The following NUP58 variants were observed in gnomAD, a reference collection of about 807,000 sequenced individuals.
NUP58 encodes the protein nucleoporin p58/p45.
In NUP58, 17 loss-of-function variants were observed where a neutral mutation model predicts 70.1. The observed-to-expected ratio is 0.24, with a 90% CI of 0.17 to 0.36. The LOEUF (loss-of-function observed/expected upper bound fraction) is 0.36. NUP58 is among the 10% of genes least tolerant of loss of function. NUP58 has a pLI of 1.00. For synonymous variants in NUP58, 275 were observed against 257.6 expected (o/e 1.07, Z -0.65); for missense variants, 644 against 701.5 (o/e 0.92, Z 0.93).
At position 25,307,896 on chromosome 13, in the gene NUP58, GCTCTTTGGATCT is replaced by G; in HGVS notation, c.199_210del (p.Leu67_Ser70del). On this transcript the variant is annotated inframe_deletion, in exon 2 of 16. Transcript: ENST00000381736. ...CTCCTTCAAGTGGTTTTGGAACCGG[GCTCTTTGGATCT>G]AAACCTGCCACTGGGTTCACTCTAG... is the stretch of plus-strand genomic sequence containing the variant. 1 of 1,614,096 alleles carries G rather than the reference GCTCTTTGGATCT, an allele frequency of 6.2e-7. No individual in the cohort carries two copies. Among genetic ancestry groups the G allele is most frequent in the Middle Eastern group, 1.6e-4 (1 of 6,062 alleles).
rs185696876 is a variant in NUP58, at chr13:25,312,648, G to T, written c.287-235G>T. 5.9e-5 allele frequency among the ~76,000 whole-genome samples: 9 copies of T among 152,334 alleles called. No homozygotes were observed. The East Asian group carries it at 9.6e-4, about 16-fold the overall frequency. On this transcript the variant is annotated intron_variant, in intron 3 of 15. Coordinates refer to ENST00000381736, the MANE Select transcript of NUP58 (RefSeq NM_014089.4). The stretch of plus-strand genomic sequence containing the variant: ...CTCCCAAAGTTTTGGGATCACAGGC[G>T]TGAGCCACTGTACCTGGCCATTCTT...
At chr13:25,320,858 T>C in intron 8 of NUP58, 61 bp from the exon 9 acceptor site, 2 of 1,086,092 alleles carry the variant, frequency 1.8e-6, no homozygotes, top group Non-Finnish European at 2.6e-6. Flanking sequence ...AGTATATATA[T>C]ATTTTGTGTA....
At chr13:25,339,915 G>GT in intron 15 of NUP58, 50 bp from the exon 16 acceptor site, 1 of 1,467,056 alleles carries the variant, frequency 6.8e-7, no homozygotes, top group Non-Finnish European at 9.1e-7. Context: ...TTTTATATTT[G>GT]TTTTTGGAAT....
In NUP58 at chr13:25,320,638, C is replaced by A. The variant is rs753526877; in HGVS notation, c.776+43C>A. 7 of 1,383,264 alleles carry A rather than the reference C, an allele frequency of 5.1e-6. 1 individual carries two copies. In the South Asian group the frequency reaches 8.3e-5, roughly 16 times the overall value. The allele number at this position is 1,383,264 out of a possible 1,614,324, so 85.7% of individuals were successfully genotyped here. A position where few individuals can be genotyped will look rare whatever the true frequency, so the allele number is the denominator to read the frequency against. On this transcript the variant is annotated intron_variant, in intron 8 of 15. Coordinates refer to ENST00000381736, the MANE Select transcript of NUP58 (RefSeq NM_014089.4). ...TTAGATAAATAACACTTGAAGAATT[C>A]TAGAATACTTCTTAAGGGGAGCATC... is the stretch of plus-strand genomic sequence containing the variant.
Position 25,301,794 on chromosome 13 carries a change from C to T in NUP58, c.21C>T (p.Phe7=), listed in dbSNP as rs2030009397. Residue 7 remains phenylalanine (F), a synonymous_variant, in exon 1 of 16, where the codon TTC becomes TTT. Transcript: ENST00000381736. ...CAGACATGTCCACAGGGTTCTCCTT[C>T]GGGTCCGGGACTCTGGGCTCCACCA... The part of the protein sequence containing the change: MSTGFS[F]GSGTLGSTTV... 6.2e-7 allele frequency: 1 copy of T among 1,613,172 alleles called. No homozygotes were observed.
At chr13:25,323,889 T>A (rs2031287835) in intron 9 of NUP58, among the ~76,000 whole-genome samples, 1 of 152,100 alleles carries the variant, frequency 6.6e-6, no homozygotes, top group South Asian at 2.1e-4. Context: ...AGGGAGAGAG[T>A]TAAATCCATC....
At chr13:25,336,592 C>A (rs2031793347) in intron 13 of NUP58, among the ~76,000 whole-genome samples, 1 of 151,978 alleles carries the variant, frequency 6.6e-6, no homozygotes, top group African/African-American at 2.4e-5. Flanking sequence ...TAAAATAATT[C>A]TAGAAGTAAA....
intron 2 of NUP58, among the ~76,000 whole-genome samples, 164 bp from the exon 3 acceptor site, chr13:25,309,083 T>C (rs2030524893): frequency 6.6e-6 from 1 of 152,204 alleles, no homozygotes; most frequent in Non-Finnish European, 1.5e-5. Flanking sequence ...ACCAGTGCTA[T>C]GGGAAAAATG....
chr13:25,313,488 C>T, intron 4 of NUP58, 126 bp from the exon 5 acceptor site: 1 of 821,346 alleles, frequency 1.2e-6, no homozygotes, highest in Non-Finnish European at 1.8e-6. Context: ...TAATTTTTAG[C>T]AAGTAGTTCT....
chr13:25,324,717 A>G (rs887710667), intron 9 of NUP58, among the ~76,000 whole-genome samples: 10 of 152,198 alleles, frequency 6.6e-5, no homozygotes, highest in African/African-American at 2.2e-4. Flanking sequence ...TACGCTGTAA[A>G]TGAATTCACT....
At chr13:25,312,857 G>T (rs768963434) in intron 3 of NUP58, 26 bp from the exon 4 acceptor site, 51 of 1,556,736 alleles carry the variant, frequency 3.3e-5, no homozygotes, top group Non-Finnish European at 4.3e-5. Context: ...TTGTTTGTTT[G>T]TTTATTCATT....
chr13:25,306,944 A>G (rs2030391846), intron 1 of NUP58, among the ~76,000 whole-genome samples: 1 of 152,190 alleles, frequency 6.6e-6, no homozygotes, highest in South Asian at 2.1e-4. Flanking sequence ...TTGCCAGGAA[A>G]TGTCCCCACT....
Position 25,312,965 on chromosome 13 carries a change from T to C in NUP58, c.369T>C (p.Ala123=), listed in dbSNP as rs761248296. The C allele has an allele frequency of 1.1e-5, 18 of 1,614,092 alleles. 1 individual carries two copies. In the South Asian group the frequency reaches 2.0e-4, roughly 18 times the overall value. The change falls in exon 4 of 16, where the codon GCT becomes GCC. Residue 123 remains alanine (A), a synonymous_variant. Transcript: ENST00000381736. ...NKPAASATPF[A]LPITSTSASG... is the part of the protein sequence containing the mutation. The stretch of plus-strand genomic sequence containing the variant: ...CTGCAGCATCTGCCACACCATTTGC[T>C]CTACCTATTACCTCTACCTCAGCTA...
intron 1 of NUP58, among the ~76,000 whole-genome samples, chr13:25,305,146 T>TGG (rs1491541843): frequency 2.4e-5 from 1 of 41,760 alleles, no homozygotes; most frequent in East Asian, 4.5e-4. Flanking sequence ...TTTTTTTTTT[T>TGG]TTTTTTTTTT....
intron 1 of NUP58, chr13:25,303,067 G>T (rs1383020699): frequency 6.6e-6 from 3 of 456,418 alleles, no homozygotes; most frequent in South Asian, 4.6e-5. Flanking sequence ...TTTGATTCTT[G>T]TCAGATTTTT....
At position 25,341,651 on chromosome 13, in the gene NUP58, T is replaced by C. The variant is rs1444987767; in HGVS notation, c.*1517T>C. On this transcript the variant is annotated 3_prime_UTR_variant, in exon 16 of 16. Transcript: ENST00000381736. ...GTCAGGTTGCATCTGTATATTTGACTACATTAGTATTAGTGACATCAGGTG... is the reference window on the plus strand; with the variant it reads ...GTCAGGTTGCATCTGTATATTTGACCACATTAGTATTAGTGACATCAGGTG... 1 of 152,656 alleles carries C rather than the reference T, an allele frequency of 6.6e-6. No individual in the cohort carries two copies. The highest frequency in any genetic ancestry group is 1.5e-5 in the Non-Finnish European group (1 of 68,034). The allele number at this position is 152,656 out of a possible 1,614,324, so 9.5% of individuals were successfully genotyped here. A position where few individuals can be genotyped will look rare whatever the true frequency, so the allele number is the denominator to read the frequency against.
rs763654289 is a variant in NUP58 at position 25,321,007 on chromosome 13, G to C, written c.865G>C (p.Ala289Pro). ...AMLKVQEDIK[A>P]LKQLLSLAAN... ...GCTTAAGGTACAAGAAGATATTAAA[G>C]CTCTGAAGCAGCTCCTGTCGTTGGC... Residue 289 changes from alanine to proline, a missense_variant, in exon 9 of 16, where the codon GCT becomes CCT. Around this residue, in one of 4 missense-constraint regions of NUP58, gnomAD observed 430 missense variants for 409.2 expected, o/e 1.05. Transcript: ENST00000381736. 2.5e-6 allele frequency: 4 copies of C among 1,599,992 alleles called. No homozygotes were observed. In the African/African-American group the frequency reaches 5.4e-5, roughly 22 times the overall value.
downstream of NUP58, among the ~76,000 whole-genome samples, chr13:25,346,496 G>T (rs1192957259): frequency 6.6e-6 from 1 of 152,172 alleles, no homozygotes; most frequent in East Asian, 1.9e-4. Context: ...GAGGTGGGCA[G>T]ATCACCTGAG....
At chr13:25,335,610 A>G in intron 13 of NUP58, 2 of 984,438 alleles carry the variant, frequency 2.0e-6, no homozygotes, top group Non-Finnish European at 2.4e-6. Flanking sequence ...TAGTATAAGA[A>G]TTCTGGCTGC....
Sources: allele counts gnomAD v4.1 joint callset (sites outside exome capture counted in the v4.1 genomes callset), GRCh38; gene constraint gnomAD v4.1.1; regional missense constraint gnomAD v4.1.1; transcripts MANE v1.5; gene names NCBI Gene and HGNC (gene_info 2026-07-23, HGNC 2026-07-21).